The following FOS variants were observed in gnomAD, a reference collection of about 807,000 sequenced individuals.
FOS encodes the protein protein c-Fos.
A neutral mutation model predicts 27.2 loss-of-function variants in FOS; 9 were observed. The ratio of observed to expected loss-of-function variants is 0.33; its 90% CI spans 0.20 to 0.58. The LOEUF is 0.58. Among genes scored for constraint, FOS ranks in the 20% least tolerant of loss-of-function variants. FOS has a pLI of 0.87. For synonymous variants in FOS, 213 were observed against 205.1 expected (o/e 1.04, Z -0.33); for missense variants, 405 against 483.5 (o/e 0.84, Z 1.52).
chr14:75,279,882 C>A lies in FOS; in HGVS notation c.147C>A (p.Phe49Leu). Residue 49 changes from phenylalanine (F) to leucine (L), a missense_variant, in exon 2 of 4, where the codon TTC becomes TTA. By Grantham distance (22) the Phe-to-Leu change is conservative. Transcript: ENST00000303562. This position sits in a 1 kb window ranked among gnomAD's most constrained non-coding sequence, Gnocchi z 5.4. ...SMGSPVNAQDFCTDLAVSSAN... is the reference protein window; with the variant it reads ...SMGSPVNAQDLCTDLAVSSAN... ...CCCCTTCTGTTTTGTTCTAGGACTTCTGCACGGACCTGGCCGTCTCCAGTG... is the reference window on the plus strand; with the variant it reads ...CCCCTTCTGTTTTGTTCTAGGACTTATGCACGGACCTGGCCGTCTCCAGTG... 1 of 1,603,164 alleles carries A rather than the reference C, an allele frequency of 6.2e-7. No homozygotes were observed. Among genetic ancestry groups the A allele is most frequent in the South Asian group, 1.1e-5 (1 of 90,146 alleles).
chr14:75,279,839 C>T lies in FOS; in HGVS notation c.142-38C>T, dbSNP rs1897205679. ...TCGCCCCACCTGTGTCCGGAACCTG[C>T]TCGCTCACGTCGGCTTTCCCCTTCT... On this transcript the variant is annotated intron_variant, in intron 1 of 3. Transcript: ENST00000303562. This position sits in a 1 kb window ranked among gnomAD's most constrained non-coding sequence, Gnocchi z 5.4. 1.3e-6 allele frequency: 2 copies of T among 1,553,788 alleles called. No homozygotes were observed. Among genetic ancestry groups the T allele is most frequent in the East Asian group, 4.5e-5 (2 of 44,272 alleles).
rs778844237 is a variant in FOS, at chr14:75,279,152, C to T, written c.141+29C>T. 5.0e-6 allele frequency: 8 copies of T among 1,610,176 alleles called. No individual in the cohort carries two copies. The Admixed American group carries it at 1.3e-4, about 27-fold the overall frequency. On this transcript the variant is annotated intron_variant, in intron 1 of 3. Coordinates refer to ENST00000303562, the MANE Select transcript of FOS (RefSeq NM_005252.4). This position sits in a 1 kb window ranked among gnomAD's most constrained non-coding sequence, Gnocchi z 5.4. ...AGGCTGGCTTCCCGTCGCCGCGGGG[C>T]CGGGGGCTTGGGGTCGCGGAGGAGG...
intron 2 of FOS, 182 bp from the exon 3 acceptor site, chr14:75,280,378 T>G: frequency 1.5e-6 from 1 of 681,932 alleles, no homozygotes; most frequent in Non-Finnish European, 2.5e-6. Flanking sequence ...CTTTGTTCTC[T>G]TGCTGAGGAT....
At chr14:75,280,166 G>A (rs4645855) in intron 2 of FOS, 38 bp downstream of exon 2, 46,611 of 1,612,996 alleles carry the variant, frequency 0.029, 792 homozygotes, top group African/African-American at 0.054. Flanking sequence ...GGAATGTGGG[G>A]GCTGGGTGGG....
rs768537632 is a variant in FOS at position 75,279,020 on chromosome 14, C to T, written c.38C>T (p.Ser13Leu). 6.2e-7 allele frequency: 1 copy of T among 1,613,758 alleles called. No individual in the cohort carries two copies. The highest frequency in any genetic ancestry group is 2.2e-5 in the East Asian group (1 of 44,876). Residue 13 changes from serine to leucine, a missense_variant, in exon 1 of 4, where the codon TCA becomes TTA. By Grantham distance (145) the Ser-to-Leu change is moderately radical. Transcript: ENST00000303562. This position sits in a 1 kb window ranked among gnomAD's most constrained non-coding sequence, Gnocchi z 5.4. ...FSGFNADYEA[S>L]SSRCSSASPA... ...GGCTTCAACGCAGACTACGAGGCGT[C>T]ATCCTCCCGCTGCAGCAGCGCGTCC...
Position 75,279,820 on chromosome 14 carries a change from CACCT to C in FOS, c.142-56_142-53del. ...TGCATGCGGCACTGGGAACTCGCCC[CACCT>C]GTGTCCGGAACCTGCTCGCTCACGT... On this transcript the variant is annotated intron_variant, in intron 1 of 3. Coordinates refer to ENST00000303562, the MANE Select transcript of FOS (RefSeq NM_005252.4). This position sits in a 1 kb window ranked among gnomAD's most constrained non-coding sequence, Gnocchi z 5.4. 1 of 1,537,448 alleles carries C rather than the reference CACCT, an allele frequency of 6.5e-7. No individual in the cohort carries two copies. Among genetic ancestry groups the C allele is most frequent in the South Asian group, 1.2e-5 (1 of 80,560 alleles).
Position 75,281,697 on chromosome 14 carries a change from T to C in FOS, c.*273T>C. On this transcript the variant is annotated 3_prime_UTR_variant, in exon 4 of 4. Transcript: ENST00000303562. The surrounding 1 kb of genome is among the most constrained non-coding windows in gnomAD (Gnocchi z 4.7). ...AGAGAGCTGGTAGTTAGTAGCATGTTGAGCCAGGCCTGGGTCTGTGTCTCT... is the reference window on the plus strand; with the variant it reads ...AGAGAGCTGGTAGTTAGTAGCATGTCGAGCCAGGCCTGGGTCTGTGTCTCT... 4.2e-6 allele frequency: 2 copies of C among 479,012 alleles called. No individual in the cohort carries two copies. Among genetic ancestry groups the C allele is most frequent in the Non-Finnish European group, 7.5e-6 (2 of 265,138 alleles). 29.7% of individuals were successfully genotyped at this position (479,012 alleles called of 1,614,324 possible). A position where few individuals can be genotyped will look rare whatever the true frequency, so the allele number is the denominator to read the frequency against.
At position 75,279,495 on chromosome 14, in the gene FOS, G is replaced by A. The variant is rs1451101056; in HGVS notation, c.141+372G>A. 1.1e-5 allele frequency: 5 copies of A among 444,534 alleles called. No individual in the cohort carries two copies. Among genetic ancestry groups the A allele is most frequent in the South Asian group, 5.0e-5 (2 of 40,154 alleles). 27.5% of individuals were successfully genotyped at this position (444,534 alleles called of 1,614,324 possible). On this transcript the variant is annotated intron_variant, in intron 1 of 3. Coordinates refer to ENST00000303562, the MANE Select transcript of FOS (RefSeq NM_005252.4). The surrounding 1 kb of genome is among the most constrained non-coding windows in gnomAD (Gnocchi z 5.4). ...CCCTCCCCCGGCAGCCTGGAGCACG[G>A]AGGAGGGATGAGGGAGGAGGGTGCA... is the stretch of plus-strand genomic sequence containing the variant.
In FOS at chr14:75,279,835, C is replaced by T. The variant is rs1199984573; in HGVS notation, c.142-42C>T. The T allele has an allele frequency of 2.6e-6, 4 of 1,551,230 alleles. No individual in the cohort carries two copies. The South Asian group carries it at 3.6e-5, about 14-fold the overall frequency. On this transcript the variant is annotated intron_variant, in intron 1 of 3. Transcript: ENST00000303562. This position sits in a 1 kb window ranked among gnomAD's most constrained non-coding sequence, Gnocchi z 5.4. ...GAACTCGCCCCACCTGTGTCCGGAACCTGCTCGCTCACGTCGGCTTTCCCC... is the reference window on the plus strand; with the variant it reads ...GAACTCGCCCCACCTGTGTCCGGAATCTGCTCGCTCACGTCGGCTTTCCCC...
chr14:75,280,524 T>C, intron 2 of FOS, 36 bp from the exon 3 acceptor site: 2 of 1,549,736 alleles, frequency 1.3e-6, no homozygotes, highest in Non-Finnish European at 1.8e-6. Flanking sequence ...GCAGACACTT[T>C]TACTGAATGT....
intron 2 of FOS, 194 bp from the exon 3 acceptor site, chr14:75,280,366 T>C (rs1897213734): frequency 1.5e-6 from 1 of 680,120 alleles, no homozygotes; most frequent in Admixed American, 2.8e-5. Flanking sequence ...GACTGGGCTC[T>C]TCTTTGTTCT....
chr14:75,280,494 G>T, intron 2 of FOS, 66 bp from the exon 3 acceptor site: 1 of 1,282,992 alleles, frequency 7.8e-7, no homozygotes. Flanking sequence ...TTCTACTGGG[G>T]TGGGTGAATG....
rs1016286262 is a variant in FOS at position 75,282,190 on chromosome 14, T to C, written c.*766T>C. Reference sequence around the variant, plus strand: ...AAATTTAAGCATTGTTTGCTTATTGTTCCAAGACATTGTCAATAAAAGCAT... The same window carrying C: ...AAATTTAAGCATTGTTTGCTTATTGCTCCAAGACATTGTCAATAAAAGCAT... On this transcript the variant is annotated 3_prime_UTR_variant, in exon 4 of 4. Coordinates refer to ENST00000303562, the MANE Select transcript of FOS (RefSeq NM_005252.4). The C allele has an allele frequency of 6.6e-6, 1 of 152,250 alleles. No homozygotes were observed. The highest frequency in any genetic ancestry group is 1.5e-5 in the Non-Finnish European group (1 of 68,040). The allele number at this position is 152,250 out of a possible 1,614,324, so 9.4% of individuals were successfully genotyped here.
chr14:75,280,303 C>T, intron 2 of FOS, 175 bp downstream of exon 2: 2 of 835,378 alleles, frequency 2.4e-6, no homozygotes, highest in Non-Finnish European at 3.9e-6. Flanking sequence ...TGAGTCTCAC[C>T]CTAAGAAGTA....
intron 2 of FOS, 58 bp downstream of exon 2, chr14:75,280,186 C>T (rs1267961182): frequency 6.2e-7 from 1 of 1,610,596 alleles, no homozygotes; most frequent in African/African-American, 1.3e-5. Flanking sequence ...GAAGCAGCCC[C>T]GGAGATGCAG....
chr14:75,280,689 C>T lies in FOS; in HGVS notation c.501+22C>T, dbSNP rs545156046. 1.2e-5 allele frequency: 19 copies of T among 1,544,232 alleles called. No homozygotes were observed. In the Admixed American group the frequency reaches 3.1e-4, roughly 25 times the overall value. On this transcript the variant is annotated intron_variant, in intron 3 of 3. Transcript: ENST00000303562. The stretch of plus-strand genomic sequence containing the variant: ...AGCGGTAGGTACTCTGTGGGTTGCT[C>T]CTTTTTAAAACTTAAGGGGAAAGTT...
intron 2 of FOS, 152 bp downstream of exon 2, chr14:75,280,280 C>A: frequency 1.0e-6 from 1 of 1,000,882 alleles, no homozygotes; most frequent in Non-Finnish European, 1.5e-6. Flanking sequence ...CCATTCCATC[C>A]CAACTCAGAC....
Position 75,279,626 on chromosome 14 carries a change from C to T in FOS, c.142-251C>T, listed in dbSNP as rs557782745. 3.3e-4 allele frequency: 181 copies of T among 549,958 alleles called. No individual in the cohort carries two copies. Among genetic ancestry groups the T allele is most frequent in the Non-Finnish European group, 4.9e-4 (153 of 310,444 alleles). 34.1% of individuals were successfully genotyped at this position (549,958 alleles called of 1,614,324 possible). A position where few individuals can be genotyped will look rare whatever the true frequency, so the allele number is the denominator to read the frequency against. On this transcript the variant is annotated intron_variant, in intron 1 of 3. Transcript: ENST00000303562. The surrounding 1 kb of genome is among the most constrained non-coding windows in gnomAD (Gnocchi z 5.4). ...AGACGTCAGGGATATTTATAACAAA[C>T]CCCCTTTCAAGCAAGTGATGCTGAA...
rs753353905 is a variant in FOS, at chr14:75,281,394, G to A, written c.1113G>A (p.Ser371=). The A allele has an allele frequency of 8.7e-6, 14 of 1,611,448 alleles. No individual in the cohort carries two copies. Among genetic ancestry groups the A allele is most frequent in the Admixed American group, 5.0e-5 (3 of 60,006 alleles). ...GCAGCAATGAGCCTTCCTCTGACTC[G>A]CTCAGCTCACCCACGCTGCTGGCCC... ...GSSSNEPSSD[S]LSSPTLLAL Residue 371 remains serine (S), a synonymous_variant, in exon 4 of 4, where the codon TCG becomes TCA. Coordinates refer to ENST00000303562, the MANE Select transcript of FOS (RefSeq NM_005252.4). The surrounding 1 kb of genome is among the most constrained non-coding windows in gnomAD (Gnocchi z 4.7).
Sources: allele counts gnomAD v4.1 joint callset, GRCh38; gene constraint gnomAD v4.1.1; non-coding constraint Gnocchi (gnomAD v3.1); transcripts MANE v1.5; gene names NCBI Gene and HGNC (gene_info 2026-07-23, HGNC 2026-07-21).